Variants in HMCN1 observed in about 807,000 individuals in gnomAD.
The protein encoded by HMCN1 is hemicentin 1.
Under a neutral mutation model 625.9 loss-of-function variants are expected in HMCN1, and 321 were observed. The ratio of observed to expected loss-of-function variants is 0.51; its 90% CI spans 0.47 to 0.56. The LOEUF (loss-of-function observed/expected upper bound fraction) is 0.56. Among genes scored for constraint, HMCN1 ranks in the 20% least tolerant of loss-of-function variants. The pLI is 0.00. For missense variants in HMCN1, 6,588 were observed against 6,887.3 expected (o/e 0.96, Z 1.54); for synonymous variants, 2,425 against 2,417.6 (o/e 1.00, Z -0.09).
At chr1:186,140,476 A>G (rs1036153599) in intron 89 of HMCN1, among the ~76,000 whole-genome samples, 23 of 152,322 alleles carry the variant, frequency 1.5e-4, no homozygotes, top group Admixed American at 1.3e-3. Flanking sequence ...GTCCTTCTCC[A>G]TGCATCATTT....
At chr1:186,134,637 CTT>C (rs764051505) in intron 86 of HMCN1, among the ~76,000 whole-genome samples, 1 of 152,084 alleles carries the variant, frequency 6.6e-6, no homozygotes, top group Non-Finnish European at 1.5e-5. Context: ...TCACGGATAC[CTT>C]TGCAGAAAAA....
At chr1:185,782,777 C>T (rs972388154) in intron 1 of HMCN1, among the ~76,000 whole-genome samples, 8 of 152,146 alleles carry the variant, frequency 5.3e-5, no homozygotes, top group Non-Finnish European at 8.8e-5. Context: ...GTGCCCTTAA[C>T]ATTTTTTCCT....
At chr1:185,758,764 T>A (rs182438329) in intron 1 of HMCN1, among the ~76,000 whole-genome samples, 64 of 152,368 alleles carry the variant, frequency 4.2e-4, no homozygotes, top group Non-Finnish European at 8.1e-4. Context: ...TTTCCTTTTT[T>A]AAAAATTAAT....
At chr1:185,897,020 G>A (rs1411017200) in intron 4 of HMCN1, among the ~76,000 whole-genome samples, 3 of 152,008 alleles carry the variant, frequency 2.0e-5, no homozygotes, top group African/African-American at 7.3e-5. Flanking sequence ...TTGTAATTCT[G>A]GTCATAGTTA....
chr1:186,062,606 G>A lies in HMCN1; in HGVS notation c.7513+6G>A, dbSNP rs754919770. On this transcript the variant is annotated splice_donor_region_variant and intron_variant, in intron 48 of 106. Coordinates refer to ENST00000271588, the MANE Select transcript of HMCN1 (RefSeq NM_031935.3). ...GCTGACTTGTGAAGTGACAGGTATGGGCTCAGCTCTCAGACTTTTGGTGCT... is the reference window on the plus strand; with the variant it reads ...GCTGACTTGTGAAGTGACAGGTATGAGCTCAGCTCTCAGACTTTTGGTGCT... The A allele has an allele frequency of 7.5e-6, 12 of 1,596,190 alleles. No individual in the cohort carries two copies. The South Asian group carries it at 1.3e-4, about 18-fold the overall frequency.
intron 14 of HMCN1, among the ~76,000 whole-genome samples, chr1:185,968,812 C>T (rs917863056): frequency 6.6e-6 from 1 of 151,992 alleles, no homozygotes; most frequent in Non-Finnish European, 1.5e-5. Flanking sequence ...AGTAAATAGT[C>T]ACTATTTTAC....
chr1:186,104,195 CTTCTA>C (rs1158245595), intron 69 of HMCN1, among the ~76,000 whole-genome samples: 1 of 152,142 alleles, frequency 6.6e-6, no homozygotes, highest in Admixed American at 6.5e-5. Context: ...TTGTAGCAAT[CTTCTA>C]TTCTACTAGT....
intron 36 of HMCN1, among the ~76,000 whole-genome samples, chr1:186,032,013 A>G (rs961894509): frequency 6.6e-6 from 1 of 151,886 alleles, no homozygotes; most frequent in Admixed American, 6.6e-5. Context: ...CAAGTTCCCT[A>G]TATAAAATTA....
chr1:186,146,329 G>A (rs901596048), intron 93 of HMCN1, among the ~76,000 whole-genome samples: 1 of 152,216 alleles, frequency 6.6e-6, no homozygotes, highest in Admixed American at 6.5e-5. Context: ...TCAGTCTGAG[G>A]AGAAAGAATA....
chr1:185,909,984 T>C (rs542725998), intron 5 of HMCN1, among the ~76,000 whole-genome samples: 6 of 152,244 alleles, frequency 3.9e-5, no homozygotes, highest in African/African-American at 1.4e-4. Flanking sequence ...TAAAGGGAAC[T>C]TTTAATAATT....
chr1:186,141,583 C>T (rs1649966533), intron 89 of HMCN1, among the ~76,000 whole-genome samples: 1 of 152,122 alleles, frequency 6.6e-6, no homozygotes, highest in Admixed American at 6.5e-5. Flanking sequence ...TATATAGCTA[C>T]AGATTAAAGA....
chr1:185,908,446 G>A (rs567944628), intron 4 of HMCN1, among the ~76,000 whole-genome samples: 17 of 151,964 alleles, frequency 1.1e-4, no homozygotes, highest in African/African-American at 1.9e-4. Context: ...TAAAAGATAC[G>A]TAAACCAGAG....
chr1:185,766,780 C>T (rs1002818050), intron 1 of HMCN1, among the ~76,000 whole-genome samples: 1 of 151,816 alleles, frequency 6.6e-6, no homozygotes, highest in Non-Finnish European at 1.5e-5. Context: ...GGGCAAATCA[C>T]GGTCAAATTT....
intron 1 of HMCN1, among the ~76,000 whole-genome samples, chr1:185,743,606 C>T (rs1191476788): frequency 6.6e-6 from 1 of 152,208 alleles, no homozygotes; most frequent in Admixed American, 6.5e-5. Context: ...ACCAGAGGAT[C>T]CATGTTGTAA....
At position 186,094,273 on chromosome 1, in the gene HMCN1, C is replaced by T; in HGVS notation, c.10197-3C>T. 4.3e-6 allele frequency: 7 copies of T among 1,610,236 alleles called. No homozygotes were observed. The highest frequency in any genetic ancestry group is 5.9e-6 in the Non-Finnish European group (7 of 1,176,828). On this transcript the variant is annotated splice_region_variant and splice_polypyrimidine_tract_variant and intron_variant, in intron 66 of 106. Transcript: ENST00000271588. ...ATGAAATGTGGATCAAATTGTTTCT[C>T]AGGATTGTGAGAGCTCAGGTGTCTG...
intron 99 of HMCN1, 114 bp downstream of exon 99, chr1:186,166,417 C>T (rs1010332468): frequency 2.6e-5 from 35 of 1,333,090 alleles, no homozygotes; most frequent in Non-Finnish European, 3.7e-5. Flanking sequence ...CACACCTTGG[C>T]AACAAACAAA....
At chr1:185,797,762 C>T (rs1658496452) in intron 1 of HMCN1, among the ~76,000 whole-genome samples, 3 of 129,384 alleles carry the variant, frequency 2.3e-5, no homozygotes, top group Admixed American at 1.4e-4. Context: ...GTCAGGAGAT[C>T]GAGACCATCC....
At chr1:185,878,559 C>T (rs1346571863) in intron 4 of HMCN1, among the ~76,000 whole-genome samples, 1 of 151,960 alleles carries the variant, frequency 6.6e-6, no homozygotes, top group Admixed American at 6.6e-5. Flanking sequence ...GATGTTGAAC[C>T]ACCCTTGCAT....
intron 1 of HMCN1, among the ~76,000 whole-genome samples, chr1:185,790,154 C>T (rs193164431): frequency 3.3e-5 from 5 of 152,332 alleles, no homozygotes; most frequent in African/African-American, 1.2e-4. Context: ...CTTGCTGCTA[C>T]AACTAACAAG....
Sources: gnomAD v4.1 joint callset for allele counts (sites outside exome capture counted in the v4.1 genomes callset) on GRCh38, gnomAD v4.1.1 for gene constraint, MANE v1.5 for transcripts, NCBI Gene and HGNC (gene_info 2026-07-23, HGNC 2026-07-21) for gene names.